SMARCC1: variants seen among roughly 807,000 people sequenced by gnomAD.
SMARCC1 encodes SWI/SNF complex subunit SMARCC1.
Under a neutral mutation model 147.4 loss-of-function variants are expected in SMARCC1, and 43 were observed. That is an observed-to-expected ratio of 0.29 (90% CI 0.23 to 0.38). The LOEUF is 0.38. SMARCC1 is among the 10% of genes least tolerant of loss of function. SMARCC1 has a pLI of 1.00. For synonymous variants in SMARCC1, 495 were observed against 484.4 expected, an observed-to-expected ratio of 1.02 and a Z score of -0.29; for missense variants, 1,119 against 1,381.1, an observed-to-expected ratio of 0.81 and a Z score of 3.01.
chr3:47,639,715 AAACCAACCAACCAACC>A (rs58771135), intron 21 of SMARCC1, among the ~76,000 whole-genome samples: 7 of 148,282 alleles, frequency 4.7e-5, no homozygotes, highest in East Asian at 2.0e-4. Flanking sequence ...CTACATCTCA[AAACCAACCAACCAACC>A]AACCAACCAA....
intron 10 of SMARCC1, among the ~76,000 whole-genome samples, chr3:47,702,721 C>G (rs553346116): frequency 5.2e-4 from 79 of 152,306 alleles, no homozygotes; most frequent in Non-Finnish European, 1.0e-3. Flanking sequence ...GCCTCAGGCT[C>G]CTGAGTAGCT....
chr3:47,669,206 T>C (rs1490565057), intron 19 of SMARCC1, among the ~76,000 whole-genome samples: 1 of 152,214 alleles, frequency 6.6e-6, no homozygotes, highest in Non-Finnish European at 1.5e-5. Flanking sequence ...TGCACTGTTG[T>C]GTAATACTGT....
Position 47,678,210 on chromosome 3 carries a change from C to T in SMARCC1, c.1559G>A (p.Cys520Tyr). 1 of 1,597,556 alleles carries T rather than the reference C, an allele frequency of 6.3e-7. No individual in the cohort carries two copies. Among genetic ancestry groups the T allele is most frequent in the Non-Finnish European group, 8.6e-7 (1 of 1,167,930 alleles). The change falls in exon 16 of 28, where the codon TGT becomes TAT. Residue 520 changes from cysteine to tyrosine, a missense_variant. Physicochemically the swap from Cys to Tyr is radical, Grantham distance 194. Coordinates refer to ENST00000254480, the MANE Select transcript of SMARCC1 (RefSeq NM_003074.4). ...ACRRNLTGDVCAVMRVHAFLE... is the reference protein window; with the variant it reads ...ACRRNLTGDVYAVMRVHAFLE... Reference sequence around the variant, plus strand: ...TCAAACAGTTTACCTCATCACAGCACACACATCTCCAGTCAAGTTCCTCCG... The same window carrying T: ...TCAAACAGTTTACCTCATCACAGCATACACATCTCCAGTCAAGTTCCTCCG...
In SMARCC1 at chr3:47,636,004, G is replaced by C. The variant is rs1352462045; in HGVS notation, c.2491+18C>G. The stretch of plus-strand genomic sequence containing the variant: ...TACAGTTTTACATAATAATATCTAA[G>C]GAGTTTCCTCAAATTACCTGATTTG... On this transcript the variant is annotated intron_variant, in intron 23 of 27. Transcript: ENST00000254480. 1.7e-6 allele frequency: 2 copies of C among 1,157,306 alleles called. No homozygotes were observed. 71.7% of individuals were successfully genotyped at this position (1,157,306 alleles called of 1,614,324 possible).
At chr3:47,736,159 C>T in intron 4 of SMARCC1, 33 bp from the exon 5 acceptor site, 1 of 1,217,120 alleles carries the variant, frequency 8.2e-7, no homozygotes, top group Admixed American at 2.0e-5. Flanking sequence ...TTCAAATTCT[C>T]TTAGTTTTGA....
intron 2 of SMARCC1, among the ~76,000 whole-genome samples, chr3:47,761,787 C>T (rs1004762515): frequency 1.4e-4 from 22 of 152,142 alleles, no homozygotes; most frequent in Admixed American, 1.4e-3. Flanking sequence ...TAACATTTGC[C>T]AAATTCAATA....
Position 47,662,400 on chromosome 3 carries a change from T to C in SMARCC1, c.2092A>G (p.Thr698Ala). The change falls in exon 20 of 28, where the codon ACT becomes GCT. Residue 698 changes from threonine (T) to alanine (A), a missense_variant. By Grantham distance (58) the Thr-to-Ala change is moderately conservative. Coordinates refer to ENST00000254480, the MANE Select transcript of SMARCC1 (RefSeq NM_003074.4). ...ACCACAGATGCCAAAAAAGCAACAG[T>C]ACTCATAACTGGATTTCCTGACTGA... is the stretch of plus-strand genomic sequence containing the variant. ...FSQSGNPVMS[T>A]VAFLASVVDP... is the part of the protein sequence containing the mutation. The C allele has an allele frequency of 3.7e-6, 6 of 1,614,144 alleles. No individual in the cohort carries two copies. Among genetic ancestry groups the C allele is most frequent in the Non-Finnish European group, 4.2e-6 (5 of 1,180,010 alleles).
At position 47,622,210 on chromosome 3, in the gene SMARCC1, T is replaced by C. The variant is rs1457006339; in HGVS notation, c.2778A>G (p.Glu926=). The C allele has an allele frequency of 6.3e-7, 1 of 1,599,304 alleles. No individual in the cohort carries two copies. The highest frequency in any genetic ancestry group is 1.1e-5 in the South Asian group (1 of 86,960). Residue 926 remains glutamate (E), a synonymous_variant, in exon 25 of 28, where the codon GAA becomes GAG. Transcript: ENST00000254480. ...ELETIMDREK[E]ALEQQRQQLL... is the part of the protein sequence containing the mutation. ...CTAAAAAATTCCAAATACTTACAGC[T>C]TCTTTCTCTCTGTCCATGATAGTTT...
chr3:47,600,219 G>A (rs1010696354), intron 26 of SMARCC1, among the ~76,000 whole-genome samples: 1 of 152,178 alleles, frequency 6.6e-6, no homozygotes, highest in African/African-American at 2.4e-5. Flanking sequence ...AAGGTCTAGA[G>A]GAAAAGCAAT....
At chr3:47,608,846 C>CT (rs1235412216) in intron 26 of SMARCC1, among the ~76,000 whole-genome samples, 5 of 71,898 alleles carry the variant, frequency 7.0e-5, no homozygotes, top group African/African-American at 2.6e-4. Context: ...GAGACAGTGT[C>CT]TTTAAAAAAA....
rs895001350 is a variant in SMARCC1 at position 47,706,522 on chromosome 3, T to G, written c.927A>C (p.Arg309Ser). ...CTTTTCTATCTCTTCTTTCTGGACT[T>G]CTGACTGGCTAGGAAGAAGTAAATG... is the stretch of plus-strand genomic sequence containing the variant. ...RISTKNEEPV[R>S]SPERRDRKAS... Residue 309 changes from arginine to serine, a missense_variant, in exon 10 of 28, where the codon AGA becomes AGC. Arg to Ser is a moderately radical substitution (Grantham distance 110). Around this residue, in one of 6 missense-constraint regions of SMARCC1, gnomAD observed 542 missense variants for 611.8 expected, o/e 0.89. Transcript: ENST00000254480. 1 of 1,574,208 alleles carries G rather than the reference T, an allele frequency of 6.4e-7. No homozygotes were observed. The highest frequency in any genetic ancestry group is 8.6e-7 in the Non-Finnish European group (1 of 1,164,500).
intron 9 of SMARCC1, among the ~76,000 whole-genome samples, chr3:47,709,928 T>A (rs751805784): frequency 4.6e-5 from 7 of 152,288 alleles, no homozygotes; most frequent in Non-Finnish European, 1.0e-4. Context: ...TGTCAAGTCC[T>A]CCACCCTCAG....
At chr3:47,721,368 AAAGAT>A (rs1455540952) in intron 6 of SMARCC1, among the ~76,000 whole-genome samples, 2 of 152,180 alleles carry the variant, frequency 1.3e-5, no homozygotes, top group African/African-American at 4.8e-5. Flanking sequence ...AATTTTTTCC[AAAGAT>A]AAGTGCAAAT....
intron 9 of SMARCC1, among the ~76,000 whole-genome samples, chr3:47,709,175 T>C (rs150011236): frequency 6.7e-6 from 1 of 148,782 alleles, no homozygotes; most frequent in Admixed American, 6.7e-5. Flanking sequence ...GCAGGAGAAT[T>C]ACTTGAACCC....
chr3:47,692,140 G>T (rs1326823000), intron 12 of SMARCC1, among the ~76,000 whole-genome samples: 1 of 152,120 alleles, frequency 6.6e-6, no homozygotes, highest in Non-Finnish European at 1.5e-5. Flanking sequence ...AGTAAATACT[G>T]AAAACAATAG....
intron 21 of SMARCC1, among the ~76,000 whole-genome samples, chr3:47,656,142 C>T (rs1036770859): frequency 4.6e-5 from 7 of 151,788 alleles, no homozygotes; most frequent in Non-Finnish European, 1.0e-4. Flanking sequence ...ACCTGGGAGG[C>T]GGAGGTTGCA....
intron 16 of SMARCC1, among the ~76,000 whole-genome samples, chr3:47,677,247 C>T (rs910116801): frequency 1.3e-5 from 2 of 151,544 alleles, no homozygotes; most frequent in African/African-American, 4.8e-5. Context: ...TTACAGGTGA[C>T]CATCACCATG....
At chr3:47,730,595 G>A (rs1450763428) in intron 5 of SMARCC1, among the ~76,000 whole-genome samples, 1 of 152,206 alleles carries the variant, frequency 6.6e-6, no homozygotes, top group East Asian at 1.9e-4. Flanking sequence ...GCTGGGTCCA[G>A]TGGCTCACGC....
intron 3 of SMARCC1, among the ~76,000 whole-genome samples, chr3:47,745,333 T>C (rs1252635758): frequency 4.6e-5 from 7 of 152,156 alleles, no homozygotes; most frequent in Admixed American, 3.9e-4. Context: ...TACACACACA[T>C]TTCATGGCAA....
Sources: gnomAD v4.1 joint callset for allele counts (sites outside exome capture counted in the v4.1 genomes callset) on GRCh38, gnomAD v4.1.1 for gene constraint, gnomAD v4.1.1 regional missense constraint, MANE v1.5 for transcripts, NCBI Gene and HGNC (gene_info 2026-07-23, HGNC 2026-07-21) for gene names.